The following PDCD11 variants were observed in gnomAD, a reference collection of about 807,000 sequenced individuals.
PDCD11 encodes the protein programmed cell death 11, also known as protein RRP5 homolog.
In PDCD11, 97 loss-of-function variants were observed where a neutral mutation model predicts 198.9. The observed-to-expected ratio is 0.49, with a 90% CI of 0.41 to 0.58. PDCD11 has a LOEUF of 0.58. Among genes scored for constraint, PDCD11 ranks in the 20% least tolerant of loss-of-function variants. PDCD11 has a pLI of 0.00. For synonymous variants in PDCD11, 893 were observed against 918.0 expected (o/e 0.97, Z 0.49); for missense variants, 2,102 against 2,312.7 (o/e 0.91, Z 1.87).
intron 24 of PDCD11, 129 bp downstream of exon 24, chr10:103,434,479 C>G: frequency 1.5e-6 from 1 of 657,686 alleles, no homozygotes; most frequent in Non-Finnish European, 2.7e-6. Flanking sequence ...GGTGTGGGAC[C>G]TTCTTGGAAC....
rs867042318 is a variant in PDCD11 at position 103,442,872 on chromosome 10, C to T, written c.4956-293C>T. Reference sequence around the variant, plus strand: ...CTTAGCTTGAAGAGAGAATCAGACCCAGGACTCTGCGTCCAGCCCAAACCT... The same window carrying T: ...CTTAGCTTGAAGAGAGAATCAGACCTAGGACTCTGCGTCCAGCCCAAACCT... On this transcript the variant is annotated intron_variant, in intron 32 of 35. Transcript: ENST00000369797. Among the ~76,000 whole-genome samples, 6 of 152,296 alleles carry T rather than the reference C, an allele frequency of 3.9e-5. No homozygotes were observed. The South Asian group carries it at 1.2e-3, about 32-fold the overall frequency.
intron 30 of PDCD11, 96 bp from the exon 31 acceptor site, chr10:103,441,730 T>C: frequency 1.7e-6 from 2 of 1,156,514 alleles, no homozygotes; most frequent in South Asian, 2.9e-5. Context: ...GTCTCTGGGC[T>C]TGGTAGGAGT....
chr10:103,425,559 G>A (rs375959708), intron 20 of PDCD11, 34 bp downstream of exon 20: 55 of 1,571,162 alleles, frequency 3.5e-5, no homozygotes, highest in Non-Finnish European at 4.6e-5. Context: ...TGGCTTCGAG[G>A]GAGATTGTTG....
intron 15 of PDCD11, 85 bp downstream of exon 15, chr10:103,418,719 T>C (rs2031258245): frequency 2.7e-6 from 3 of 1,123,186 alleles, no homozygotes; most frequent in African/African-American, 3.1e-5. Flanking sequence ...ATTAGACAGC[T>C]ATTTGACCTC....
chr10:103,406,669 G>A lies in PDCD11; in HGVS notation c.749G>A (p.Gly250Glu), dbSNP rs2030470840. The A allele has an allele frequency of 3.7e-6, 6 of 1,614,086 alleles. No individual in the cohort carries two copies. The highest frequency in any genetic ancestry group is 5.1e-6 in the Non-Finnish European group (6 of 1,180,040). Residue 250 changes from glycine (G) to glutamate (E), a missense_variant, in exon 7 of 36, where the codon GGA becomes GAA. Gly to Glu is a moderately conservative substitution (Grantham distance 98, BLOSUM62 -2). Transcript: ENST00000369797. ...ATTGTTGAAAAGGTGAAAGGCAACG[G>A]AGGAGTTGTTAGTCTGTCTGTTGGT... ...NCIVEKVKGN[G>E]GVVSLSVGHS...
At position 103,405,188 on chromosome 10, in the gene PDCD11, G is replaced by A; in HGVS notation, c.564+5G>A. On this transcript the variant is annotated splice_donor_5th_base_variant and intron_variant, in intron 5 of 35. Transcript: ENST00000369797. ...GAGGCCCTGAAGCCTGGCATGGTAG[G>A]TGTCTAGGGTCGGGGAGGAAGAGTG... 1 of 1,612,762 alleles carries A rather than the reference G, an allele frequency of 6.2e-7. No homozygotes were observed.
In PDCD11 at chr10:103,409,616, T is replaced by C. The variant is rs890112042; in HGVS notation, c.871-83T>C. On this transcript the variant is annotated intron_variant, in intron 7 of 35. Transcript: ENST00000369797. ...ATACACAGTTAGGGATACTATGGCATTGAGTGTTTACTGTGAGCAATGTCT... is the reference window on the plus strand; with the variant it reads ...ATACACAGTTAGGGATACTATGGCACTGAGTGTTTACTGTGAGCAATGTCT... The C allele has an allele frequency of 4.6e-6, 4 of 866,722 alleles. No homozygotes were observed. In the African/African-American group the frequency reaches 5.0e-5, roughly 11 times the overall value. The allele number at this position is 866,722 out of a possible 1,614,324, so 53.7% of individuals were successfully genotyped here. A position where few individuals can be genotyped will look rare whatever the true frequency, so the allele number is the denominator to read the frequency against.
chr10:103,434,211 T>G lies in PDCD11; in HGVS notation c.3565-37T>G, dbSNP rs759374844. 80 of 1,428,566 alleles carry G rather than the reference T, an allele frequency of 5.6e-5. 1 individual carries two copies. The South Asian group carries it at 8.5e-4, about 15-fold the overall frequency. The allele number at this position is 1,428,566 out of a possible 1,614,324, so 88.5% of individuals were successfully genotyped here. On this transcript the variant is annotated intron_variant, in intron 23 of 35. Transcript: ENST00000369797. ...TGTGGTTTTGGATAAATGACAGCCTTTCTTCAAGCATCACAGGAGTTTTTT... is the reference window on the plus strand; with the variant it reads ...TGTGGTTTTGGATAAATGACAGCCTGTCTTCAAGCATCACAGGAGTTTTTT...
At chr10:103,427,813 A>G (rs773729701) in intron 21 of PDCD11, among the ~76,000 whole-genome samples, 76 of 152,050 alleles carry the variant, frequency 5.0e-4, no homozygotes, top group Admixed American at 7.2e-4. Flanking sequence ...TTCTGAAGAG[A>G]AGGGTGTTCC....
intron 2 of PDCD11, among the ~76,000 whole-genome samples, 172 bp from the exon 3 acceptor site, chr10:103,400,225 C>T (rs534204652): frequency 7.0e-6 from 1 of 141,988 alleles, no homozygotes; most frequent in Admixed American, 7.1e-5. Context: ...CGGCCCCCCC[C>T]CTTTTTTTTT....
intron 3 of PDCD11, among the ~76,000 whole-genome samples, chr10:103,401,531 A>C (rs2030058534): frequency 6.6e-6 from 1 of 152,228 alleles, no homozygotes; most frequent in Non-Finnish European, 1.5e-5. Context: ...GGCCTCCCAA[A>C]GTGCTGGAAT....
In PDCD11 at chr10:103,417,827, C is replaced by T. The variant is rs1011472141; in HGVS notation, c.1806C>T (p.Ser602=). Residue 602 remains serine (S), a synonymous_variant, in exon 14 of 36, where the codon TCC becomes TCT. Transcript: ENST00000369797. The part of the protein sequence containing the change: ...VKVVVLNCEP[S]KERMLLSFKL... ...TTGTCGTATTGAACTGTGAGCCATCCAAAGAGAGGATGCTCTTATCCTTCA... is the reference window on the plus strand; with the variant it reads ...TTGTCGTATTGAACTGTGAGCCATCTAAAGAGAGGATGCTCTTATCCTTCA... 6.2e-7 allele frequency: 1 copy of T among 1,613,970 alleles called. No individual in the cohort carries two copies. The highest frequency in any genetic ancestry group is 1.3e-5 in the African/African-American group (1 of 74,882).
chr10:103,434,395 G>A (rs1452720038), intron 24 of PDCD11, 45 bp downstream of exon 24: 2 of 1,245,594 alleles, frequency 1.6e-6, no homozygotes, highest in Non-Finnish European at 2.4e-6. Flanking sequence ...GGAGCGGCAG[G>A]AAGGGGTGGG....
rs375341321 is a variant in PDCD11, at chr10:103,441,867, G to A, written c.4599G>A (p.Leu1533=). The change falls in exon 31 of 36, where the codon CTG becomes CTA. Residue 1533 remains leucine (L), a synonymous_variant. Transcript: ENST00000369797. The stretch of plus-strand genomic sequence containing the variant: ...CAGCAGAAGCGCCCCGGCTGCAGCT[G>A]TCTTCAGGCTTCGCTTGGAATGTGG... ...TKPAEAPRLQ[L]SSGFAWNVGL... 6.2e-7 allele frequency: 1 copy of A among 1,614,220 alleles called. No individual in the cohort carries two copies. The highest frequency in any genetic ancestry group is 1.1e-5 in the South Asian group (1 of 91,084).
chr10:103,443,833 T>G, intron 33 of PDCD11, 82 bp from the exon 34 acceptor site: 1 of 1,423,564 alleles, frequency 7.0e-7, no homozygotes, highest in Non-Finnish European at 9.8e-7. Flanking sequence ...CAGGTCTAGC[T>G]TCTTGTGAGT....
chr10:103,444,464 G>GT, intron 34 of PDCD11, 53 bp from the exon 35 acceptor site: 1 of 1,544,922 alleles, frequency 6.5e-7, no homozygotes, highest in Non-Finnish European at 8.9e-7. Context: ...ACACTGTGTT[G>GT]TGGTGAGGGG....
Position 103,432,156 on chromosome 10 carries a change from T to C in PDCD11, c.3396T>C (p.Leu1132=), listed in dbSNP as rs142484346. The C allele has an allele frequency of 1.4e-5, 22 of 1,613,874 alleles. No individual in the cohort carries two copies. In the African/African-American group the frequency reaches 2.9e-4, roughly 22 times the overall value. ...AGCTGGAGGATGGCCACACTGCTCTTAACACTCACTCTGTTAGCCCCATGG... is the reference window on the plus strand; with the variant it reads ...AGCTGGAGGATGGCCACACTGCTCTCAACACTCACTCTGTTAGCCCCATGG... ...PSELEDGHTA[L]NTHSVSPMEK... The change falls in exon 22 of 36, where the codon CTT becomes CTC. Residue 1132 remains leucine (L), a synonymous_variant. Coordinates refer to ENST00000369797, the MANE Select transcript of PDCD11 (RefSeq NM_014976.2).
chr10:103,414,231 C>T, intron 10 of PDCD11, 39 bp from the exon 11 acceptor site: 4 of 1,597,558 alleles, frequency 2.5e-6, no homozygotes, highest in Non-Finnish European at 3.4e-6. Flanking sequence ...GCAACCTCTG[C>T]CCTAGTTTAT....
chr10:103,410,578 C>T (rs2030736309), intron 8 of PDCD11, among the ~76,000 whole-genome samples: 1 of 146,654 alleles, frequency 6.8e-6, no homozygotes, highest in South Asian at 2.2e-4. Context: ...GTGATGAATT[C>T]TGGGTGATTT....
Sources: allele counts gnomAD v4.1 joint callset (sites outside exome capture counted in the v4.1 genomes callset), GRCh38; gene constraint gnomAD v4.1.1; transcripts MANE v1.5; gene names NCBI Gene and HGNC (gene_info 2026-07-23, HGNC 2026-07-21).